The following TFDP2 variants were observed in gnomAD, a reference collection of about 807,000 sequenced individuals.
TFDP2 encodes the protein transcription factor Dp-2 (E2F dimerization partner 2).
A neutral mutation model predicts 59.3 loss-of-function variants in TFDP2; 17 were observed. The ratio of observed to expected loss-of-function variants is 0.29; its 90% confidence interval spans 0.20 to 0.43. TFDP2 has a LOEUF of 0.43. Among genes scored for constraint, TFDP2 ranks in the 20% least tolerant of loss-of-function variants. TFDP2 has a pLI of 1.00. For synonymous variants in TFDP2, 180 were observed against 194.7 expected (o/e 0.92, Z 0.63); for missense variants, 391 against 528.8 (o/e 0.74, Z 2.56).
intron 9 of TFDP2, among the ~76,000 whole-genome samples, chr3:141,965,088 C>CT (rs1289080521): frequency 1.3e-5 from 2 of 152,036 alleles, no homozygotes; most frequent in Non-Finnish European, 2.9e-5. Flanking sequence ...AGTGATCTCC[C>CT]TTTTTTTAAT....
chr3:141,978,359 A>C (rs1941032405), intron 7 of TFDP2, among the ~76,000 whole-genome samples, 161 bp downstream of exon 7: 1 of 151,958 alleles, frequency 6.6e-6, no homozygotes, highest in South Asian at 2.1e-4. Context: ...ACAAAAAAAA[A>C]GGAATTCCCT....
At chr3:142,056,310 TAA>T (rs11338630) in intron 3 of TFDP2, among the ~76,000 whole-genome samples, 10,750 of 137,750 alleles carry the variant, frequency 0.078, 517 homozygotes, top group African/African-American at 0.14. Context: ...AACAGTGAAT[TAA>T]AAAAAAAAAA....
intron 3 of TFDP2, among the ~76,000 whole-genome samples, chr3:142,008,688 C>T (rs936479631): frequency 1.4e-4 from 21 of 152,172 alleles, no homozygotes; most frequent in African/African-American, 5.1e-4. Flanking sequence ...CCTACATATA[C>T]ATACATATAC....
intron 1 of TFDP2, among the ~76,000 whole-genome samples, chr3:142,127,303 CT>C (rs769181436): frequency 2.3e-3 from 254 of 108,340 alleles, no homozygotes; most frequent in African/African-American, 2.8e-3. Context: ...CTACACTCCG[CT>C]TTTTTTTTTT....
At chr3:142,111,434 A>C (rs1479359688) in intron 1 of TFDP2, among the ~76,000 whole-genome samples, 1 of 151,644 alleles carries the variant, frequency 6.6e-6, no homozygotes, top group East Asian at 1.9e-4. Flanking sequence ...TCTCAAAAAA[A>C]AAAAAAAAAA....
Position 141,947,470 on chromosome 3 carries a change from A to C in TFDP2, c.*5043T>G, listed in dbSNP as rs73872514. 586 of 152,172 alleles carry C rather than the reference A, an allele frequency of 3.9e-3. 7 individuals carry two copies. Among genetic ancestry groups the C allele is most frequent in the African/African-American group, 0.013 (556 of 41,506 alleles). 9.4% of individuals were successfully genotyped at this position (152,172 alleles called of 1,614,324 possible). On this transcript the variant is annotated 3_prime_UTR_variant, in exon 13 of 13. Coordinates refer to ENST00000489671, the MANE Select transcript of TFDP2 (RefSeq NM_001178139.2). Reference sequence around the variant, plus strand: ...TGCTCTGTCACCTGGGCTGGAGTGCAGTGGCGGGATCTTGGCTCACTGCAA... The same window carrying C: ...TGCTCTGTCACCTGGGCTGGAGTGCCGTGGCGGGATCTTGGCTCACTGCAA...
At chr3:142,101,380 C>T (rs1319589559) in intron 2 of TFDP2, among the ~76,000 whole-genome samples, 1 of 149,298 alleles carries the variant, frequency 6.7e-6, no homozygotes, top group Non-Finnish European at 1.5e-5. Context: ...AAAAATAAGC[C>T]AAAGAAAACA....
intron 6 of TFDP2, among the ~76,000 whole-genome samples, chr3:141,989,971 G>A (rs1576600624): frequency 6.6e-6 from 1 of 152,000 alleles, no homozygotes; most frequent in Admixed American, 6.6e-5. Context: ...TTGGCTCACT[G>A]CAACCTCTGC....
chr3:142,051,058 T>A (rs1947601506), intron 3 of TFDP2, among the ~76,000 whole-genome samples: 1 of 152,312 alleles, frequency 6.6e-6, no homozygotes, highest in Non-Finnish European at 1.5e-5. Context: ...GATTACACTA[T>A]CTGGTTTTAA....
At chr3:141,997,670 T>C (rs1194859595) in intron 4 of TFDP2, among the ~76,000 whole-genome samples, 1 of 151,056 alleles carries the variant, frequency 6.6e-6, no homozygotes, top group Non-Finnish European at 1.5e-5. Flanking sequence ...GCCAATATGG[T>C]GAAACCCTAA....
intron 1 of TFDP2, among the ~76,000 whole-genome samples, chr3:142,106,108 A>C (rs1198065343): frequency 2.0e-5 from 1 of 51,128 alleles, no homozygotes; most frequent in Non-Finnish European, 4.7e-5. Flanking sequence ...AACCTGTTTA[A>C]TTGTGGTTAA....
At chr3:142,023,610 TG>T (rs1945841804) in intron 3 of TFDP2, among the ~76,000 whole-genome samples, 1 of 152,200 alleles carries the variant, frequency 6.6e-6, no homozygotes, top group Non-Finnish European at 1.5e-5. Context: ...AGGGGATCGT[TG>T]TTTTATAATA....
chr3:142,045,216 C>T (rs547635069), intron 3 of TFDP2, among the ~76,000 whole-genome samples: 116 of 148,844 alleles, frequency 7.8e-4, no homozygotes, highest in Non-Finnish European at 1.5e-3. Context: ...TGCAGTGGCA[C>T]GATCACGATC....
intron 11 of TFDP2, among the ~76,000 whole-genome samples, chr3:141,957,298 C>G (rs1281566026): frequency 6.6e-6 from 1 of 152,120 alleles, no homozygotes; most frequent in African/African-American, 2.4e-5. Flanking sequence ...GCTTGGGCGA[C>G]AGAGTGAGAC....
intron 1 of TFDP2, among the ~76,000 whole-genome samples, chr3:142,141,102 C>T (rs1251138242): frequency 6.6e-6 from 1 of 152,204 alleles, no homozygotes; most frequent in African/African-American, 2.4e-5. Flanking sequence ...AACCCGGCTG[C>T]AGCCTCACAG....
chr3:141,955,211 C>T (rs915269715), intron 11 of TFDP2, among the ~76,000 whole-genome samples: 2 of 152,142 alleles, frequency 1.3e-5, no homozygotes, highest in Non-Finnish European at 2.9e-5. Context: ...CCTATTATCA[C>T]AGGATCCACA....
At chr3:142,069,724 C>T (rs561126660) in intron 3 of TFDP2, among the ~76,000 whole-genome samples, 7 of 152,038 alleles carry the variant, frequency 4.6e-5, no homozygotes, top group South Asian at 2.1e-4. Context: ...TCTCCTGCCT[C>T]AGCCTCCTGA....
chr3:142,021,077 AT>A lies in TFDP2; in HGVS notation c.83-15534del, dbSNP rs1213645182. Among the ~76,000 whole-genome samples, 25 of 152,286 alleles carry A rather than the reference AT, an allele frequency of 1.6e-4. No homozygotes were observed. In the East Asian group the frequency reaches 4.0e-3, roughly 25 times the overall value. On this transcript the variant is annotated intron_variant, in intron 3 of 12. Coordinates refer to ENST00000489671, the MANE Select transcript of TFDP2 (RefSeq NM_001178139.2). ...CCACTGTTATGTTTTATTTTGATGC[AT>A]TTGTACTGAACCATGTTCGCCAAAA... is the stretch of plus-strand genomic sequence containing the variant.
intron 8 of TFDP2, among the ~76,000 whole-genome samples, chr3:141,973,369 G>A (rs932099631): frequency 3.3e-5 from 5 of 151,810 alleles, no homozygotes; most frequent in African/African-American, 4.8e-5. Flanking sequence ...GTGAGCCACC[G>A]CCCCTGGCCC....
Sources: gnomAD v4.1 joint callset for allele counts (sites outside exome capture counted in the v4.1 genomes callset) on GRCh38, gnomAD v4.1.1 for gene constraint, MANE v1.5 for transcripts, NCBI Gene and HGNC (gene_info 2026-07-23, HGNC 2026-07-21) for gene names.